Variants in RALGPS2 observed in about 807,000 individuals in gnomAD.
RALGPS2 encodes ras-specific guanine nucleotide-releasing factor RalGPS2.
RALGPS2 carries 43 observed loss-of-function variants against 86.8 expected under a neutral mutation model. The observed-to-expected ratio is 0.50, with a 90% confidence interval of 0.39 to 0.64. The LOEUF is 0.64. Among genes scored for constraint, RALGPS2 ranks in the 30% least tolerant of loss-of-function variants. The pLI, the probability that RALGPS2 is intolerant of heterozygous loss-of-function variation, is 0.00. For missense variants in RALGPS2, 536 were observed against 694.6 expected (o/e 0.77, Z 2.57); for synonymous variants, 243 against 231.3 (o/e 1.05, Z -0.46).
intron 17 of RALGPS2, 75 bp from the exon 18 acceptor site, chr1:178,902,031 A>C: frequency 9.7e-7 from 1 of 1,030,976 alleles, no homozygotes; most frequent in Non-Finnish European, 1.5e-6. Flanking sequence ...CTGAAAATAC[A>C]CTCCCTAACA....
At chr1:178,881,090 G>C (rs1161325879) in intron 10 of RALGPS2, among the ~76,000 whole-genome samples, 1 of 152,132 alleles carries the variant, frequency 6.6e-6, no homozygotes, top group Non-Finnish European at 1.5e-5. Context: ...ATAAGATACT[G>C]TTCTTGCCCT....
intron 8 of RALGPS2, among the ~76,000 whole-genome samples, chr1:178,862,003 G>C (rs1658051519): frequency 6.6e-6 from 1 of 152,052 alleles, no homozygotes; most frequent in Non-Finnish European, 1.5e-5. Flanking sequence ...CTCCTGAATA[G>C]CTAGGATTAC....
rs574850760 is a variant in RALGPS2, at chr1:178,728,535, A to G, written c.-84+3116A>G. 4.6e-4 allele frequency among the ~76,000 whole-genome samples: 70 copies of G among 152,076 alleles called. 1 individual carries two copies. Among genetic ancestry groups the G allele is most frequent in the Admixed American group, 4.3e-3 (65 of 15,282 alleles). On this transcript the variant is annotated intron_variant, in intron 1 of 19. Transcript: ENST00000367635. ...AATATGAGATATTTATTGTGTAACGACTGTATTTGGAATAAAATTGTCACT... is the reference window on the plus strand; with the variant it reads ...AATATGAGATATTTATTGTGTAACGGCTGTATTTGGAATAAAATTGTCACT...
chr1:178,787,351 A>G (rs1470354608), intron 4 of RALGPS2, among the ~76,000 whole-genome samples: 2 of 152,186 alleles, frequency 1.3e-5, no homozygotes, highest in African/African-American at 2.4e-5. Context: ...TAGCCACATT[A>G]TAAGGTAAAA....
At chr1:178,815,566 G>A (rs1033890426) in intron 6 of RALGPS2, among the ~76,000 whole-genome samples, 2 of 151,944 alleles carry the variant, frequency 1.3e-5, no homozygotes, top group African/African-American at 4.8e-5. Flanking sequence ...GTCTGTTCTG[G>A]CTGCTATAAC....
intron 19 of RALGPS2, among the ~76,000 whole-genome samples, 159 bp downstream of exon 19, chr1:178,907,026 TAGTG>T (rs1239968355): frequency 3.3e-5 from 5 of 152,212 alleles, no homozygotes; most frequent in East Asian, 1.9e-4. Flanking sequence ...GTCTACATCT[TAGTG>T]AGGAGCTAGA....
intron 2 of RALGPS2, among the ~76,000 whole-genome samples, chr1:178,781,098 T>C (rs1653372094): frequency 6.6e-6 from 1 of 152,080 alleles, no homozygotes; most frequent in Non-Finnish European, 1.5e-5. Flanking sequence ...AATACAAATA[T>C]TTGTTAAATA....
chr1:178,868,951 G>A (rs1658581327), intron 8 of RALGPS2, among the ~76,000 whole-genome samples: 1 of 151,884 alleles, frequency 6.6e-6, no homozygotes, highest in Non-Finnish European at 1.5e-5. Context: ...TACATTTACT[G>A]TTATGTTTTC....
chr1:178,807,396 G>A (rs1654792660), intron 4 of RALGPS2, among the ~76,000 whole-genome samples: 1 of 152,042 alleles, frequency 6.6e-6, no homozygotes, highest in African/African-American at 2.4e-5. Context: ...TATTTTTAAG[G>A]TATCTGCATC....
At chr1:178,881,862 A>G (rs1659267540) in intron 10 of RALGPS2, among the ~76,000 whole-genome samples, 1 of 152,186 alleles carries the variant, frequency 6.6e-6, no homozygotes, top group Non-Finnish European at 1.5e-5. Flanking sequence ...AATTAGAAGA[A>G]AACATTTTTT....
intron 15 of RALGPS2, among the ~76,000 whole-genome samples, chr1:178,893,177 A>G (rs1051617773): frequency 1.3e-5 from 2 of 151,876 alleles, no homozygotes; most frequent in African/African-American, 4.8e-5. Context: ...AGAAATCATT[A>G]ATTATTGTAT....
In RALGPS2 at chr1:178,744,113, A is replaced by G. The variant is rs1651179865; in HGVS notation, c.-84+18694A>G. Among the ~76,000 whole-genome samples the G allele has an allele frequency of 2.0e-5, 3 of 152,244 alleles. 1 individual carries two copies. The South Asian group carries it at 6.2e-4, about 32-fold the overall frequency. ...GCATACATACAAAAGTTCTAACCAT[A>G]TTTTAGTAAATTGAATGTAACAGTT... On this transcript the variant is annotated intron_variant, in intron 1 of 19. Coordinates refer to ENST00000367635, the MANE Select transcript of RALGPS2 (RefSeq NM_152663.5).
At chr1:178,790,468 C>T (rs1653898114) in intron 4 of RALGPS2, among the ~76,000 whole-genome samples, 1 of 152,114 alleles carries the variant, frequency 6.6e-6, no homozygotes. Context: ...AGGTAATCAC[C>T]ATCCAGTATT....
chr1:178,845,650 T>G (rs1656832181), intron 8 of RALGPS2, among the ~76,000 whole-genome samples: 1 of 152,224 alleles, frequency 6.6e-6, no homozygotes, highest in South Asian at 2.1e-4. Flanking sequence ...TGTGGCATAT[T>G]TGCATGGGTC....
At chr1:178,859,271 C>A (rs1657794572) in intron 8 of RALGPS2, among the ~76,000 whole-genome samples, 1 of 151,704 alleles carries the variant, frequency 6.6e-6, no homozygotes, top group African/African-American at 2.4e-5. Flanking sequence ...CCATTGAAAC[C>A]AATTATACCT....
chr1:178,791,642 A>G (rs1653961882), intron 4 of RALGPS2, among the ~76,000 whole-genome samples: 1 of 152,176 alleles, frequency 6.6e-6, no homozygotes, highest in African/African-American at 2.4e-5. Flanking sequence ...GTTACGTATA[A>G]TATATATCTC....
intron 4 of RALGPS2, among the ~76,000 whole-genome samples, chr1:178,799,859 AAAAAGCCAT>A (rs1455645486): frequency 6.6e-6 from 1 of 152,198 alleles, no homozygotes; most frequent in African/African-American, 2.4e-5. Flanking sequence ...ATTGTTAAAG[AAAAAGCCAT>A]GAAAGCCATC....
chr1:178,844,806 A>T (rs192296785), intron 8 of RALGPS2, among the ~76,000 whole-genome samples: 1 of 152,350 alleles, frequency 6.6e-6, no homozygotes, highest in East Asian at 1.9e-4. Flanking sequence ...TATATGAAAC[A>T]TCATAAATAT....
At chr1:178,754,562 T>C (rs1370554056) in intron 1 of RALGPS2, among the ~76,000 whole-genome samples, 1 of 152,124 alleles carries the variant, frequency 6.6e-6, no homozygotes, top group African/African-American at 2.4e-5. Flanking sequence ...CTTACAGCCT[T>C]TTTGTTCTAT....
Sources: allele counts gnomAD v4.1 joint callset (sites outside exome capture counted in the v4.1 genomes callset), GRCh38; gene constraint gnomAD v4.1.1; transcripts MANE v1.5; gene names NCBI Gene and HGNC (gene_info 2026-07-23, HGNC 2026-07-21).